AQR: variants seen among roughly 807,000 people sequenced by gnomAD.
The protein encoded by AQR is aquarius intron-binding spliceosomal factor.
In AQR, 61 loss-of-function variants were observed where a neutral mutation model predicts 180.5. That is an observed-to-expected ratio of 0.34 (90% confidence interval 0.28 to 0.42). The LOEUF (loss-of-function observed/expected upper bound fraction) is 0.42, where lower values mean the gene tolerates loss of function less well. AQR is among the 10% of genes least tolerant of loss of function. The pLI is 1.00. For synonymous variants in AQR, 551 were observed against 588.8 expected (o/e 0.94, Z 0.93); for missense variants, 1,281 against 1,798.3 (o/e 0.71, Z 5.20).
intron 5 of AQR, among the ~76,000 whole-genome samples, chr15:34,945,033 T>C (rs1230188580): frequency 6.6e-6 from 1 of 152,164 alleles, no homozygotes; most frequent in Non-Finnish European, 1.5e-5. Context: ...CCTTATTAAC[T>C]CTCAACTCCT....
At chr15:34,915,216 T>TC (rs1893562766) in intron 15 of AQR, 37 bp from the exon 16 acceptor site, 2 of 1,530,000 alleles carry the variant, frequency 1.3e-6, no homozygotes. Context: ...TCAATTTTTT[T>TC]TTTTTTTTGA....
intron 29 of AQR, chr15:34,874,420 G>T: frequency 4.5e-6 from 2 of 440,904 alleles, no homozygotes; most frequent in Middle Eastern, 6.0e-4. Flanking sequence ...CATGAAGAAA[G>T]GAGAAGGGAC....
intron 10 of AQR, among the ~76,000 whole-genome samples, chr15:34,933,806 G>A (rs1015506506): frequency 6.6e-6 from 1 of 152,146 alleles, no homozygotes; most frequent in Non-Finnish European, 1.5e-5. Flanking sequence ...ACCAGTTTGA[G>A]GTGATGAATA....
intron 27 of AQR, among the ~76,000 whole-genome samples, chr15:34,879,836 G>T (rs541192425): frequency 6.6e-6 from 1 of 152,092 alleles, no homozygotes. Flanking sequence ...TTAAGAGGGT[G>T]GGATCAGAAA....
At chr15:34,966,244 CTCTTGA>C (rs1169847720) in intron 1 of AQR, among the ~76,000 whole-genome samples, 1 of 152,158 alleles carries the variant, frequency 6.6e-6, no homozygotes, top group Non-Finnish European at 1.5e-5. Flanking sequence ...AAATTTTAAC[CTCTTGA>C]TCTCATTCAT....
intron 22 of AQR, 76 bp from the exon 23 acceptor site, chr15:34,893,849 A>G: frequency 8.1e-7 from 1 of 1,240,482 alleles, no homozygotes; most frequent in Non-Finnish European, 1.2e-6. Flanking sequence ...CGTGAAGTAC[A>G]GACCTGAAAG....
At chr15:34,919,304 T>C (rs1275908654) in intron 14 of AQR, among the ~76,000 whole-genome samples, 1 of 151,810 alleles carries the variant, frequency 6.6e-6, no homozygotes, top group Non-Finnish European at 1.5e-5. Flanking sequence ...AAATGACATA[T>C]TCTTAAAATG....
intron 29 of AQR, 94 bp downstream of exon 29, chr15:34,874,583 A>G (rs1892865893): frequency 2.1e-6 from 3 of 1,463,156 alleles, no homozygotes. Context: ...ATAGCCAAGA[A>G]TGCTAATAGT....
At chr15:34,959,000 TATAGATATAGATATAGA>T (rs760770960) in intron 3 of AQR, among the ~76,000 whole-genome samples, 3 of 136,570 alleles carry the variant, frequency 2.2e-5, no homozygotes, top group East Asian at 4.2e-4. Context: ...TAGATATAGA[TATAGATATAGATATAGA>T]TATAGATATA....
chr15:34,934,159 A>G (rs781057208), intron 10 of AQR, among the ~76,000 whole-genome samples: 19 of 151,650 alleles, frequency 1.3e-4, no homozygotes, highest in East Asian at 1.9e-4. Context: ...AAAAGGAAAG[A>G]AAAGAAAAGA....
intron 9 of AQR, among the ~76,000 whole-genome samples, chr15:34,936,875 TAC>T (rs1009343901): frequency 6.6e-6 from 1 of 152,080 alleles, no homozygotes. Context: ...CAATTTTTAT[TAC>T]AGACATTAGT....
Position 34,874,839 on chromosome 15 carries a change from A to C in AQR, c.3263T>G (p.Leu1088Arg). Residue 1088 changes from leucine (L) to arginine (R), a missense_variant, in exon 29 of 35, where the codon CTA becomes CGA. This residue lies in a region of AQR where 197 missense variants were observed against 320.7 expected (regional missense o/e 0.61). Coordinates refer to ENST00000156471, the MANE Select transcript of AQR (RefSeq NM_014691.3). ...LQNPQDGFSR[L>R]KRWIMIGDHH... ...ATCGCCAATCATAATCCATCGTTTT[A>C]GTCGGCTAAATCCATCCTGAGGATT... is the stretch of plus-strand genomic sequence containing the variant. The C allele has an allele frequency of 6.2e-7, 1 of 1,613,740 alleles. No homozygotes were observed. Among genetic ancestry groups the C allele is most frequent in the Non-Finnish European group, 8.5e-7 (1 of 1,179,764 alleles).
At chr15:34,858,903 G>T (rs2140456268) in intron 34 of AQR, among the ~76,000 whole-genome samples, 1 of 152,240 alleles carries the variant, frequency 6.6e-6, no homozygotes, top group African/African-American at 2.4e-5. Flanking sequence ...ATAAAACTCA[G>T]TCCTACCTGT....
Position 34,886,840 on chromosome 15 carries a change from T to C in AQR, c.2682-179A>G, listed in dbSNP as rs547793352. ...TACTTTACACAAAAGCTACTTAAAG[T>C]AGGTGGGTCACGGTGGTTCACGCCT... On this transcript the variant is annotated intron_variant, in intron 24 of 34. Coordinates refer to ENST00000156471, the MANE Select transcript of AQR (RefSeq NM_014691.3). Among the ~76,000 whole-genome samples, 7 of 152,136 alleles carry C rather than the reference T, an allele frequency of 4.6e-5. No homozygotes were observed. The East Asian group carries it at 9.7e-4, about 21-fold the overall frequency.
At position 34,952,916 on chromosome 15, in the gene AQR, C is replaced by A; in HGVS notation, c.178G>T (p.Ala60Ser). The part of the protein sequence containing the change: ...YEKEIVKSRF[A>S]IRKIMLLEFS... ...TCCAAGAGCATTATCTTTCTAATAG[C>A]AAACCTGAAAACATAAAAATAAATA... The change falls in exon 4 of 35, where the codon GCT becomes TCT. Residue 60 changes from alanine (A) to serine (S), a missense_variant. This residue lies in a region of AQR where 404 missense variants were observed against 490.9 expected (regional missense o/e 0.82). Transcript: ENST00000156471. 4 of 1,441,338 alleles carry A rather than the reference C, an allele frequency of 2.8e-6. No individual in the cohort carries two copies. Among genetic ancestry groups the A allele is most frequent in the Non-Finnish European group, 3.8e-6 (4 of 1,045,246 alleles). 89.3% of individuals were successfully genotyped at this position (1,441,338 alleles called of 1,614,324 possible).
chr15:34,941,291 AAC>A (rs1238478709), intron 7 of AQR, among the ~76,000 whole-genome samples: 1 of 152,214 alleles, frequency 6.6e-6, no homozygotes, highest in African/African-American at 2.4e-5. Flanking sequence ...TATATGCATC[AAC>A]ACTTAGCATA....
chr15:34,943,040 T>C (rs1343176474), intron 6 of AQR: 11 of 1,592,146 alleles, frequency 6.9e-6, no homozygotes, highest in Admixed American at 6.7e-5. Flanking sequence ...GTTTAATAAA[T>C]GTTAAAGAGG....
chr15:34,921,006 T>C (rs1250261167), intron 13 of AQR, among the ~76,000 whole-genome samples: 6 of 151,924 alleles, frequency 3.9e-5, no homozygotes, highest in Non-Finnish European at 5.9e-5. Context: ...GTTTCACAGT[T>C]TTATTTAAGA....
chr15:34,925,335 T>C (rs7169701), intron 13 of AQR, among the ~76,000 whole-genome samples: 67,063 of 152,028 alleles, frequency 0.44, 17,859 homozygotes, highest in Non-Finnish European at 0.6. Flanking sequence ...TAAAATCCAA[T>C]TTACCCAGCA....
Sources: allele counts gnomAD v4.1 joint callset (sites outside exome capture counted in the v4.1 genomes callset), GRCh38; gene constraint gnomAD v4.1.1; regional missense constraint gnomAD v4.1.1; transcripts MANE v1.5; gene names NCBI Gene and HGNC (gene_info 2026-07-23, HGNC 2026-07-21).